Variants in GIT1 observed in about 807,000 individuals in gnomAD.
GIT1 encodes the protein ARF GTPase-activating protein GIT1.
A neutral mutation model predicts 91.7 loss-of-function variants in GIT1; 14 were observed. The ratio of observed to expected loss-of-function variants is 0.15; its 90% CI spans 0.10 to 0.24. The LOEUF is 0.24. Ranked by LOEUF, GIT1 falls within the 10% of genes least tolerant of loss-of-function variation. The pLI is 1.00. For missense variants in GIT1, 717 were observed against 1,024.9 expected, an observed-to-expected ratio of 0.70 and a Z score of 4.10; for synonymous variants, 414 against 418.2, an observed-to-expected ratio of 0.99 and a Z score of 0.12.
chr17:29,578,172 G>C (rs1251796801), intron 9 of GIT1, 127 bp downstream of exon 9: 1 of 778,134 alleles, frequency 1.3e-6, no homozygotes, highest in Non-Finnish European at 2.2e-6. Context: ...CAGCCAGCAG[G>C]GGCTCATCTG....
chr17:29,583,413 G>A (rs1237300384), intron 2 of GIT1, 70 bp downstream of exon 2: 18 of 1,538,556 alleles, frequency 1.2e-5, no homozygotes, highest in Non-Finnish European at 1.5e-5. Context: ...TGTGGGTGAG[G>A]GGGAAACGCC....
At chr17:29,577,030 C>G (rs1598567078) in intron 11 of GIT1, 34 bp from the exon 12 acceptor site, 1 of 1,605,852 alleles carries the variant, frequency 6.2e-7, no homozygotes, top group East Asian at 2.2e-5. Flanking sequence ...AGGCCACACT[C>G]CACCACACAA....
rs917013527 is a variant in GIT1, at chr17:29,581,596, A to G, written c.718+146T>C. The stretch of plus-strand genomic sequence containing the variant: ...AGCGATGCTATGGCCCAGAGCCTGC[A>G]GTAATTTCACAGGAGCCAGTTGCCT... On this transcript the variant is annotated intron_variant, in intron 6 of 19. Transcript: ENST00000225394. The surrounding 1 kb of genome is among the most constrained non-coding windows in gnomAD (Gnocchi z 4.8). 3 of 707,462 alleles carry G rather than the reference A, an allele frequency of 4.2e-6. No individual in the cohort carries two copies. The highest frequency in any genetic ancestry group is 1.7e-5 in the African/African-American group (1 of 57,196). 43.8% of individuals were successfully genotyped at this position (707,462 alleles called of 1,614,324 possible).
rs2033146926 is a variant in GIT1 at position 29,575,210 on chromosome 17, A to C, written c.2010-68T>G. ...GAGGTTCCCAGGGACAGCAGAACCC[A>C]GGGCCCCTCATGCTCTCTGCAACAC... On this transcript the variant is annotated intron_variant, in intron 18 of 19. Transcript: ENST00000225394. The surrounding 1 kb of genome is among the most constrained non-coding windows in gnomAD (Gnocchi z 5.5). The C allele has an allele frequency of 6.5e-7, 1 of 1,542,330 alleles. No homozygotes were observed. The highest frequency in any genetic ancestry group is 1.8e-5 in the Admixed American group (1 of 55,494).
chr17:29,576,487 T>G, intron 13 of GIT1, 35 bp downstream of exon 13: 1 of 1,612,976 alleles, frequency 6.2e-7, no homozygotes, highest in Non-Finnish European at 8.5e-7. Context: ...CCTGGAGTCC[T>G]GGGGCTCCCC....
chr17:29,581,554 C>G lies in GIT1; in HGVS notation c.719-174G>C. ...TCGTGGGAGGATGCAGGATGCCCACCCCCACTCCCTAGCCCCAGCGATGCT... is the reference window on the plus strand; with the variant it reads ...TCGTGGGAGGATGCAGGATGCCCACGCCCACTCCCTAGCCCCAGCGATGCT... On this transcript the variant is annotated intron_variant, in intron 6 of 19. Transcript: ENST00000225394. This position sits in a 1 kb window ranked among gnomAD's most constrained non-coding sequence, Gnocchi z 4.8. 1 of 703,114 alleles carries G rather than the reference C, an allele frequency of 1.4e-6. No homozygotes were observed. The highest frequency in any genetic ancestry group is 2.5e-6 in the Non-Finnish European group (1 of 398,124). 43.6% of individuals were successfully genotyped at this position (703,114 alleles called of 1,614,324 possible).
In GIT1 at chr17:29,583,482, C is replaced by A; in HGVS notation, c.186+1G>T. 1 of 1,611,706 alleles carries A rather than the reference C, an allele frequency of 6.2e-7. No individual in the cohort carries two copies. The highest frequency in any genetic ancestry group is 8.5e-7 in the Non-Finnish European group (1 of 1,179,770). On this transcript the variant is annotated splice_donor_variant, in intron 2 of 19. Coordinates refer to ENST00000225394, the MANE Select transcript of GIT1 (RefSeq NM_014030.4). LOFTEE classifies it high-confidence loss of function. ...AAGAACCACCCGACTGAGCCCTGTA[C>A]CTGCAGCAGCGTGGGAGGCCAGGCG...
Position 29,579,220 on chromosome 17 carries a change from A to C in GIT1, c.762-441T>G, listed in dbSNP as rs1428174516. ...CACCAGTGTCAGCCACCTGGCAGTCACCTGAAGCCTCCCTCACCCTCCAGT... is the reference window on the plus strand; with the variant it reads ...CACCAGTGTCAGCCACCTGGCAGTCCCCTGAAGCCTCCCTCACCCTCCAGT... On this transcript the variant is annotated intron_variant, in intron 7 of 19. Transcript: ENST00000225394. The C allele has an allele frequency of 2.3e-5, 13 of 570,128 alleles. No homozygotes were observed. In the East Asian group the frequency reaches 3.8e-4, roughly 16 times the overall value. The allele number at this position is 570,128 out of a possible 1,614,324, so 35.3% of individuals were successfully genotyped here. A position where few individuals can be genotyped will look rare whatever the true frequency, so the allele number is the denominator to read the frequency against.
intron 1 of GIT1, chr17:29,583,984 G>T: frequency 3.8e-6 from 1 of 264,216 alleles, no homozygotes; most frequent in South Asian, 8.0e-5. Flanking sequence ...GGATCCCCAA[G>T]GGGATGCAAC....
intron 1 of GIT1, among the ~76,000 whole-genome samples, chr17:29,586,230 G>A (rs867584859): frequency 1.3e-5 from 2 of 152,184 alleles, no homozygotes; most frequent in African/African-American, 2.4e-5. Flanking sequence ...GTCCATATGC[G>A]GCCCAGGCAG....
rs376860718 is a variant in GIT1 at position 29,576,637 on chromosome 17, G to A, written c.1265C>T (p.Thr422Met). 9 of 1,613,856 alleles carry A rather than the reference G, an allele frequency of 5.6e-6. No homozygotes were observed. Among genetic ancestry groups the A allele is most frequent in the African/African-American group, 2.7e-5 (2 of 74,918 alleles). ...DSSDLSDGAV[T>M]LQEYLELKKA... Reference sequence around the variant, plus strand: ...CTTCAGCTCCAGGTACTCCTGCAGCGTCACAGCCCCGTCAGACAAGTCCGA... The same window carrying A: ...CTTCAGCTCCAGGTACTCCTGCAGCATCACAGCCCCGTCAGACAAGTCCGA... The change falls in exon 13 of 20, where the codon ACG becomes ATG. Residue 422 changes from threonine (T) to methionine (M), a missense_variant. Thr to Met is a moderately conservative substitution (Grantham distance 81, BLOSUM62 -1). This residue lies in a region of GIT1 where 312 missense variants were observed against 349.5 expected (regional missense o/e 0.89). Transcript: ENST00000225394.
chr17:29,578,171 G>C (rs2033278122), intron 9 of GIT1, 128 bp downstream of exon 9: 1 of 775,200 alleles, frequency 1.3e-6, no homozygotes, highest in African/African-American at 1.7e-5. Context: ...ACAGCCAGCA[G>C]GGGCTCATCT....
rs772218935 is a variant in GIT1, at chr17:29,575,461, C to T, written c.1836G>A (p.Gly612=). The T allele has an allele frequency of 1.9e-6, 3 of 1,602,796 alleles. No homozygotes were observed. Among genetic ancestry groups the T allele is most frequent in the Non-Finnish European group, 2.6e-6 (3 of 1,174,806 alleles). ...CTTTGCCCAGCTCTAGAAACCTCTT[C>T]CCTTCCAGCCTGAGGCCCAGGTCCA... ...QSGDPLLGLE[G]KRFLELGKEE... Residue 612 remains glycine, a synonymous_variant, in exon 18 of 20, where the codon GGG becomes GGA. Coordinates refer to ENST00000225394, the MANE Select transcript of GIT1 (RefSeq NM_014030.4). This position sits in a 1 kb window ranked among gnomAD's most constrained non-coding sequence, Gnocchi z 5.5.
rs778505155 is a variant in GIT1, at chr17:29,576,271, C to A, written c.1560G>T (p.Gly520=). Residue 520 remains glycine, a synonymous_variant, in exon 14 of 20, where the codon GGG becomes GGT. Transcript: ENST00000225394. ...YEPGSALKPF[G]GPPGDELTTR... ...TAGTGAGCTCGTCCCCAGGGGGGCCCCCAAAGGGCTTCAGGGCAGAGCCAG... is the reference window on the plus strand; with the variant it reads ...TAGTGAGCTCGTCCCCAGGGGGGCCACCAAAGGGCTTCAGGGCAGAGCCAG... 73 of 1,611,376 alleles carry A rather than the reference C, an allele frequency of 4.5e-5. No homozygotes were observed. The highest frequency in any genetic ancestry group is 6.2e-5 in the Non-Finnish European group (73 of 1,178,814).
Position 29,576,367 on chromosome 17 carries a change from C to T in GIT1, c.1464G>A (p.Ala488=), listed in dbSNP as rs144848199. Residue 488 remains alanine (A), a synonymous_variant, in exon 14 of 20, where the codon GCG becomes GCA. Coordinates refer to ENST00000225394, the MANE Select transcript of GIT1 (RefSeq NM_014030.4). ...CGCCTGGCGCCATGGGTGTGTGTTC[C>T]GCCCGTTCACTGGGGAGTGGAGGTG... ...VPTPPLPSER[A]EHTPMAPGGS... 5.4e-5 allele frequency: 87 copies of T among 1,613,350 alleles called. 2 individuals are homozygous for T. The African/African-American group carries it at 6.8e-4, about 13-fold the overall frequency.
chr17:29,583,136 C>T (rs957623933), intron 2 of GIT1, 99 bp from the exon 3 acceptor site: 55 of 811,036 alleles, frequency 6.8e-5, no homozygotes, highest in African/African-American at 1.0e-4. Context: ...TAGCTGGAAA[C>T]GGTACCAAGG....
chr17:29,585,269 A>C (rs1490527703), intron 1 of GIT1, among the ~76,000 whole-genome samples: 1 of 151,760 alleles, frequency 6.6e-6, no homozygotes, highest in Non-Finnish European at 1.5e-5. Context: ...CCAGCCAGCC[A>C]CCTCCAGCAG....
At chr17:29,576,797 G>C (rs2033221590) in intron 12 of GIT1, 66 bp downstream of exon 12, 1 of 1,577,996 alleles carries the variant, frequency 6.3e-7, no homozygotes, top group Non-Finnish European at 8.6e-7. Flanking sequence ...CAAGAGGACA[G>C]AGCTGGGCCT....
intron 1 of GIT1, among the ~76,000 whole-genome samples, chr17:29,585,034 T>C (rs1490022648): frequency 6.6e-6 from 1 of 151,312 alleles, no homozygotes; most frequent in Non-Finnish European, 1.5e-5. Flanking sequence ...TTTAGGCTTT[T>C]TAAGGGACCC....
Sources: allele counts gnomAD v4.1 joint callset (sites outside exome capture counted in the v4.1 genomes callset), GRCh38; gene constraint gnomAD v4.1.1; regional missense constraint gnomAD v4.1.1; non-coding constraint Gnocchi (gnomAD v3.1); transcripts MANE v1.5; gene names NCBI Gene and HGNC (gene_info 2026-07-23, HGNC 2026-07-21).